Variants in CEP57 observed in about 807,000 individuals in gnomAD.
The protein encoded by CEP57 is centrosomal protein of 57 kDa.
A neutral mutation model predicts 68.0 loss-of-function variants in CEP57; 40 were observed. The observed-to-expected ratio is 0.59, with a 90% CI of 0.46 to 0.77. CEP57 has a LOEUF of 0.77. CEP57 is among the 30% of genes least tolerant of loss of function. The pLI, the probability that CEP57 is intolerant of heterozygous loss-of-function variation, is 0.00. For synonymous variants in CEP57, 219 were observed against 198.7 expected, an observed-to-expected ratio of 1.10 and a Z score of -0.86; for missense variants, 606 against 580.7, an observed-to-expected ratio of 1.04 and a Z score of -0.45.
At position 95,804,595 on chromosome 11, in the gene CEP57, G is replaced by C. The variant is rs533769596; in HGVS notation, c.202+5207G>C. On this transcript the variant is annotated intron_variant, in intron 2 of 10. Transcript: ENST00000325542. ...ACTGCGGCCCGTGGTCTCAGGAAGA[G>C]ACTGGATAAAAAAAGTCACCTCTGA... Among the ~76,000 whole-genome samples, 179 of 152,254 alleles carry C rather than the reference G, an allele frequency of 1.2e-3. 3 individuals carry two copies. The highest frequency in any genetic ancestry group is 3.1e-4 in the Non-Finnish European group (21 of 68,020).
At chr11:95,801,957 G>A (rs1797213697) in intron 2 of CEP57, among the ~76,000 whole-genome samples, 1 of 152,086 alleles carries the variant, frequency 6.6e-6, no homozygotes, top group Admixed American at 6.6e-5. Flanking sequence ...TCCTTTTATA[G>A]TGTTTTAATC....
intron 2 of CEP57, among the ~76,000 whole-genome samples, chr11:95,802,925 T>C (rs891186798): frequency 1.3e-5 from 2 of 152,182 alleles, no homozygotes; most frequent in Admixed American, 6.5e-5. Flanking sequence ...TTACCAGGTG[T>C]GAGAAGAATG....
chr11:95,806,134 A>C (rs534026690), intron 2 of CEP57, among the ~76,000 whole-genome samples: 2 of 152,340 alleles, frequency 1.3e-5, no homozygotes, highest in East Asian at 3.9e-4. Context: ...AGTTCAAAAG[A>C]ACCATCCTGT....
In CEP57 at chr11:95,799,405, A is replaced by G; in HGVS notation, c.202+17A>G. On this transcript the variant is annotated intron_variant, in intron 2 of 10. Coordinates refer to ENST00000325542, the MANE Select transcript of CEP57 (RefSeq NM_014679.5). ...ACAGCAGAGGTAATCGAGCCTAACGAAATAAATGTTATTTGTGTTTTCTTG... is the reference window on the plus strand; with the variant it reads ...ACAGCAGAGGTAATCGAGCCTAACGGAATAAATGTTATTTGTGTTTTCTTG... 6.2e-7 allele frequency: 1 copy of G among 1,613,588 alleles called. No homozygotes were observed. The highest frequency in any genetic ancestry group is 8.5e-7 in the Non-Finnish European group (1 of 1,179,700).
At chr11:95,792,406 G>GATC (rs1427132290) in intron 1 of CEP57, among the ~76,000 whole-genome samples, 1 of 152,182 alleles carries the variant, frequency 6.6e-6, no homozygotes, top group Non-Finnish European at 1.5e-5. Flanking sequence ...GAGGCGGGAG[G>GATC]ATCACTGAGG....
intron 8 of CEP57, among the ~76,000 whole-genome samples, chr11:95,824,075 A>G (rs943702164): frequency 2.4e-4 from 15 of 62,746 alleles, no homozygotes; most frequent in Admixed American, 7.5e-4. Context: ...GCCTATTGTA[A>G]AAAAAAAAAA....
intron 5 of CEP57, among the ~76,000 whole-genome samples, chr11:95,818,612 C>A (rs1453265268): frequency 3.9e-5 from 6 of 151,980 alleles, no homozygotes; most frequent in African/African-American, 1.4e-4. Flanking sequence ...AGATTTTACC[C>A]ATAATTTTGT....
chr11:95,818,783 T>G (rs1222983506), intron 5 of CEP57, 44 bp from the exon 6 acceptor site: 1 of 1,483,426 alleles, frequency 6.7e-7, no homozygotes. Flanking sequence ...TTACAGACAC[T>G]TAAGATTTTT....
Position 95,806,255 on chromosome 11 carries a change from C to T in CEP57, c.203-6677C>T, listed in dbSNP as rs80288175. ...TAAGGAAATAAAGAACAACTTGGTC[C>T]GGTTCCAAGATGGCCAAATAGGAAC... On this transcript the variant is annotated intron_variant, in intron 2 of 10. Coordinates refer to ENST00000325542, the MANE Select transcript of CEP57 (RefSeq NM_014679.5). Among the ~76,000 whole-genome samples the T allele has an allele frequency of 3.4e-3, 525 of 152,246 alleles. 7 individuals carry two copies. Among genetic ancestry groups the T allele is most frequent in the African/African-American group, 0.012 (499 of 41,540 alleles).
chr11:95,827,806 C>T lies in CEP57; in HGVS notation c.906C>T (p.Ala302=), dbSNP rs1003210371. ...TTTAGTCCACAAGCCCTAGCCATGC[C>T]GTGGTAGCCAATGTTCAGCTTGTCT... is the stretch of plus-strand genomic sequence containing the variant. The part of the protein sequence containing the change: ...VAGKSTSPSH[A]VVANVQLVLH... The change falls in exon 9 of 11, where the codon GCC becomes GCT. Residue 302 remains alanine, a synonymous_variant. Transcript: ENST00000325542. The T allele has an allele frequency of 2.9e-5, 47 of 1,613,864 alleles. No homozygotes were observed. Among genetic ancestry groups the T allele is most frequent in the Non-Finnish European group, 3.7e-5 (44 of 1,179,984 alleles).
intron 2 of CEP57, among the ~76,000 whole-genome samples, chr11:95,804,310 G>A (rs1861701394): frequency 6.6e-6 from 1 of 152,130 alleles, no homozygotes; most frequent in South Asian, 2.1e-4. Context: ...AAAGTGAGAA[G>A]GAGAAATACC....
intron 4 of CEP57, among the ~76,000 whole-genome samples, chr11:95,813,918 A>T (rs1215124263): frequency 2.6e-5 from 4 of 152,272 alleles, no homozygotes; most frequent in Non-Finnish European, 4.4e-5. Context: ...GTGAGATAGT[A>T]GATGACTTTG....
In CEP57 at chr11:95,805,356, G is replaced by A. The variant is rs1005316049; in HGVS notation, c.202+5968G>A. Among the ~76,000 whole-genome samples, 12 of 152,046 alleles carry A rather than the reference G, an allele frequency of 7.9e-5. 1 individual carries two copies. The highest frequency in any genetic ancestry group is 1.2e-4 in the African/African-American group (5 of 41,404). Reference sequence around the variant, plus strand: ...CTGTTTAGTTCTGAGTGTCTTTTCAGTTGATTTTTCAGGTTTCTTCCTGTG... The same window carrying A: ...CTGTTTAGTTCTGAGTGTCTTTTCAATTGATTTTTCAGGTTTCTTCCTGTG... On this transcript the variant is annotated intron_variant, in intron 2 of 10. Transcript: ENST00000325542.
At position 95,799,284 on chromosome 11, in the gene CEP57, C is replaced by T. The variant is rs562909477; in HGVS notation, c.98C>T (p.Ser33Leu). The T allele has an allele frequency of 8.1e-6, 13 of 1,614,020 alleles. No homozygotes were observed. Among genetic ancestry groups the T allele is most frequent in the Non-Finnish European group, 1.1e-5 (13 of 1,179,994 alleles). The change falls in exon 2 of 11, where the codon TCA becomes TTA. Residue 33 changes from serine (S) to leucine (L), a missense_variant. Transcript: ENST00000325542. ...AATGGAAGCATGGTTCGGCATTCTT[C>T]ATCTCCATATGTAGTATATCCTTCG... Reference protein sequence around the residue: ...RSNGSMVRHSSSPYVVYPSDK... With the variant: ...RSNGSMVRHSLSPYVVYPSDK...
At chr11:95,823,660 CTG>C (rs1044731689) in intron 8 of CEP57, among the ~76,000 whole-genome samples, 3 of 152,064 alleles carry the variant, frequency 2.0e-5, no homozygotes, top group Admixed American at 6.5e-5. Flanking sequence ...GAAATCATAA[CTG>C]TATAAAATTA....
intron 5 of CEP57, 158 bp downstream of exon 5, chr11:95,818,061 G>T: frequency 1.7e-6 from 1 of 603,596 alleles, no homozygotes; most frequent in Non-Finnish European, 3.0e-6. Flanking sequence ...TGGAGAGAAT[G>T]TTCACATTTT....
At chr11:95,821,056 T>C (rs1163231926) in intron 6 of CEP57, among the ~76,000 whole-genome samples, 2 of 152,228 alleles carry the variant, frequency 1.3e-5, no homozygotes, top group African/African-American at 2.4e-5. Context: ...TAAAATACTT[T>C]AAAATATGAA....
chr11:95,802,500 ACCT>A (rs1861625137), intron 2 of CEP57, among the ~76,000 whole-genome samples: 1 of 151,982 alleles, frequency 6.6e-6, no homozygotes, highest in Non-Finnish European at 1.5e-5. Flanking sequence ...TGATCCGCCC[ACCT>A]CAGCCTCCCA....
chr11:95,827,490 C>T (rs1862793815), intron 8 of CEP57: 1 of 348,770 alleles, frequency 2.9e-6, no homozygotes, highest in African/African-American at 2.1e-5. Context: ...ATGTCATCTG[C>T]AAATATGGTT....
Sources: allele counts gnomAD v4.1 joint callset (sites outside exome capture counted in the v4.1 genomes callset), GRCh38; gene constraint gnomAD v4.1.1; transcripts MANE v1.5; gene names NCBI Gene and HGNC (gene_info 2026-07-23, HGNC 2026-07-21).